Variants in TMEM132D observed in about 807,000 individuals in gnomAD.
TMEM132D encodes the protein mature OL transmembrane protein.
Under a neutral mutation model 62.3 loss-of-function variants are expected in TMEM132D, and 21 were observed. That is an observed-to-expected ratio of 0.34 (90% CI 0.24 to 0.49). The LOEUF (loss-of-function observed/expected upper bound fraction) is 0.49. Ranked by LOEUF, TMEM132D falls within the 20% of genes least tolerant of loss-of-function variation. TMEM132D has a pLI of 0.99. For missense variants in TMEM132D, 1,346 were observed against 1,402.8 expected (o/e 0.96, Z 0.65); for synonymous variants, 621 against 575.6 (o/e 1.08, Z -1.13).
At chr12:129,133,935 C>A (rs879391548) in intron 5 of TMEM132D, among the ~76,000 whole-genome samples, 6 of 152,178 alleles carry the variant, frequency 3.9e-5, no homozygotes, top group Non-Finnish European at 7.3e-5. Flanking sequence ...TACTGAAGAC[C>A]ATCTCTGCCA....
chr12:129,663,182 G>C (rs1346161604), intron 2 of TMEM132D, among the ~76,000 whole-genome samples: 2 of 152,038 alleles, frequency 1.3e-5, no homozygotes, highest in Admixed American at 1.3e-4. Context: ...TCATTACCCA[G>C]GCTAGAGTGC....
chr12:129,192,196 T>A (rs1565993104), intron 5 of TMEM132D, among the ~76,000 whole-genome samples: 1 of 152,186 alleles, frequency 6.6e-6, no homozygotes, highest in Non-Finnish European at 1.5e-5. Context: ...AAGAGACCCC[T>A]GGGGCCTCCA....
chr12:129,903,215 C>T lies in TMEM132D; in HGVS notation c.79+46G>A. 1.3e-6 allele frequency: 2 copies of T among 1,544,294 alleles called. No homozygotes were observed. The highest frequency in any genetic ancestry group is 1.8e-6 in the Non-Finnish European group (2 of 1,140,552). ...CTCCACACACTCCCACACACTCACT[C>T]CAGGCGAAGTTAGTCCCCGGGCCCT... On this transcript the variant is annotated intron_variant, in intron 1 of 8. Transcript: ENST00000422113. This position sits in a 1 kb window ranked among gnomAD's most constrained non-coding sequence, Gnocchi z 6.2.
intron 4 of TMEM132D, among the ~76,000 whole-genome samples, chr12:129,296,068 G>GCA (rs4026576): frequency 3.3e-4 from 50 of 150,000 alleles, no homozygotes; most frequent in Non-Finnish European, 5.2e-4. Flanking sequence ...ATATGAACAT[G>GCA]CACACACACA....
At chr12:129,719,083 GAAAAAAAAAA>G (rs59987335) in intron 1 of TMEM132D, among the ~76,000 whole-genome samples, 44,432 of 99,166 alleles carry the variant, frequency 0.45, 6,895 homozygotes, top group Non-Finnish European at 0.5. Flanking sequence ...CAAAAAAAAT[GAAAAAAAAAA>G]AAAAAAGAAA....
rs147484227 is a variant in TMEM132D at position 129,074,682 on chromosome 12, C to G, written c.2493G>C (p.Ser831=). 1.4e-5 allele frequency: 22 copies of G among 1,614,010 alleles called. No homozygotes were observed. Among genetic ancestry groups the G allele is most frequent in the East Asian group, 2.2e-5 (1 of 44,884 alleles). ...GTCCTTCCTGACTCCCCCATTCCTG[C>G]GAGGGTTTTTTGGGCCTTCTGTCAC... is the stretch of plus-strand genomic sequence containing the variant. ...NVSDRRPKKP[S]QEWGSQEGQY... is the part of the protein sequence containing the mutation. Residue 831 remains serine (S), a synonymous_variant, in exon 9 of 9, where the codon TCG becomes TCC. Transcript: ENST00000422113.
intron 3 of TMEM132D, among the ~76,000 whole-genome samples, chr12:129,451,298 A>G (rs1182593714): frequency 6.6e-6 from 1 of 152,176 alleles, no homozygotes; most frequent in Non-Finnish European, 1.5e-5. Flanking sequence ...GCAAGTTAGA[A>G]CTCTGATAAG....
At chr12:129,589,763 T>C (rs1311029864) in intron 2 of TMEM132D, among the ~76,000 whole-genome samples, 2 of 152,164 alleles carry the variant, frequency 1.3e-5, no homozygotes, top group Non-Finnish European at 2.9e-5. Context: ...CAGACAGAGT[T>C]ATCGCAGCTC....
intron 2 of TMEM132D, among the ~76,000 whole-genome samples, chr12:129,685,170 G>A (rs975557702): frequency 7.9e-5 from 12 of 152,256 alleles, no homozygotes; most frequent in African/African-American, 2.6e-4. Context: ...TAAGTAACGG[G>A]GAGCCAAATG....
intron 1 of TMEM132D, among the ~76,000 whole-genome samples, chr12:129,782,594 A>C (rs549970189): frequency 6.6e-6 from 1 of 152,348 alleles, no homozygotes; most frequent in Admixed American, 6.5e-5. Flanking sequence ...GAAAAGGGGA[A>C]GGGAAAAGGA....
chr12:129,513,791 G>T lies in TMEM132D; in HGVS notation c.1115+17268C>A, dbSNP rs1875571003. Among the ~76,000 whole-genome samples, 3 of 148,346 alleles carry T rather than the reference G, an allele frequency of 2.0e-5. 1 individual carries two copies. The highest frequency in any genetic ancestry group is 7.4e-5 in the African/African-American group (3 of 40,364). Reference sequence around the variant, plus strand: ...TGAGCCACCGCGCCCGGCCAATGGGGACCAATTTTTATTTTTATTTATTTA... The same window carrying T: ...TGAGCCACCGCGCCCGGCCAATGGGTACCAATTTTTATTTTTATTTATTTA... On this transcript the variant is annotated intron_variant, in intron 3 of 8. Coordinates refer to ENST00000422113, the MANE Select transcript of TMEM132D (RefSeq NM_133448.3).
intron 5 of TMEM132D, among the ~76,000 whole-genome samples, chr12:129,200,601 A>G (rs1338170036): frequency 6.6e-6 from 1 of 152,200 alleles, no homozygotes; most frequent in African/African-American, 2.4e-5. Flanking sequence ...TAGGATCTGC[A>G]GGTGGAGAAA....
chr12:129,333,836 A>G (rs879457557), intron 4 of TMEM132D, among the ~76,000 whole-genome samples: 9 of 152,174 alleles, frequency 5.9e-5, no homozygotes, highest in Non-Finnish European at 1.3e-4. Context: ...ATAAAAAATT[A>G]TAGGCCAGGT....
chr12:129,747,272 G>A (rs61945257), intron 1 of TMEM132D, among the ~76,000 whole-genome samples: 7,481 of 60,474 alleles, frequency 0.12, 288 homozygotes, highest in Non-Finnish European at 0.18. Flanking sequence ...AGCCCAGCTT[G>A]GACCTTTCCA....
At chr12:129,554,015 C>T (rs922699692) in intron 2 of TMEM132D, among the ~76,000 whole-genome samples, 2 of 152,320 alleles carry the variant, frequency 1.3e-5, no homozygotes, top group South Asian at 2.1e-4. Flanking sequence ...ACTATCTAAT[C>T]GGTCTTTCCT....
intron 3 of TMEM132D, among the ~76,000 whole-genome samples, chr12:129,393,050 C>T (rs1871332324): frequency 6.6e-6 from 1 of 152,120 alleles, no homozygotes; most frequent in African/African-American, 2.4e-5. Context: ...CCCTAAGGTG[C>T]TAGAAGCTCA....
intron 5 of TMEM132D, among the ~76,000 whole-genome samples, chr12:129,155,867 A>G (rs2135538289): frequency 6.6e-6 from 1 of 152,082 alleles, no homozygotes; most frequent in South Asian, 2.1e-4. Context: ...CTCCCAATAT[A>G]ATGAATCCAC....
intron 1 of TMEM132D, among the ~76,000 whole-genome samples, chr12:129,712,104 T>G (rs1053195153): frequency 6.6e-6 from 1 of 152,004 alleles, no homozygotes. Flanking sequence ...GTTTTCATCT[T>G]TATTATTTTA....
chr12:129,753,024 G>A (rs1308178884), intron 1 of TMEM132D, among the ~76,000 whole-genome samples: 1 of 152,224 alleles, frequency 6.6e-6, no homozygotes, highest in African/African-American at 2.4e-5. Flanking sequence ...TGTGCATACG[G>A]ATTTTAGTAC....
Sources: allele counts gnomAD v4.1 joint callset (sites outside exome capture counted in the v4.1 genomes callset), GRCh38; gene constraint gnomAD v4.1.1; non-coding constraint Gnocchi (gnomAD v3.1); transcripts MANE v1.5; gene names NCBI Gene and HGNC (gene_info 2026-07-23, HGNC 2026-07-21).